RTL4: variants seen among roughly 807,000 people sequenced by gnomAD.
RTL4 encodes the protein retrotransposon Gag like 4.
A neutral mutation model predicts 5.3 loss-of-function variants in RTL4; 4 were observed. That is an observed-to-expected ratio of 0.75 (90% CI 0.37 to 1.72). The LOEUF is 1.72. Among genes scored for constraint, RTL4 ranks in the 40% most tolerant of loss-of-function variants. RTL4 has a pLI of 0.04. For synonymous variants in RTL4, 98 were observed against 87.3 expected (o/e 1.12, Z -0.68); for missense variants, 260 against 227.1 (o/e 1.14, Z -0.93).
chrX:112,422,261 G>C, the RTL4 span, among the ~76,000 whole-genome samples: 2 of 111,262 alleles, frequency 1.8e-5, no homozygotes, highest in Admixed American at 9.6e-5. Context: ...CTATAAAATA[G>C]GCATGCTTCT....
the RTL4 span, among the ~76,000 whole-genome samples, chrX:112,431,593 CCTGT>C: frequency 9.0e-6 from 1 of 111,678 alleles, no homozygotes; most frequent in Admixed American, 9.5e-5. Flanking sequence ...TCTCCATCTG[CCTGT>C]CTGTCTCTCT....
chrX:112,415,808 G>T, the RTL4 span, among the ~76,000 whole-genome samples: 2 of 111,404 alleles, frequency 1.8e-5, no homozygotes, highest in Non-Finnish European at 3.8e-5. Context: ...TAAATAATAT[G>T]CCCAAGGCCA....
the RTL4 span, among the ~76,000 whole-genome samples, chrX:112,342,185 G>A: frequency 9.0e-6 from 1 of 110,927 alleles, no homozygotes. Context: ...CAGAATAATA[G>A]AGTCATGGTA....
the RTL4 span, among the ~76,000 whole-genome samples, chrX:112,246,820 A>C: frequency 2.7e-5 from 3 of 111,410 alleles, no homozygotes; most frequent in Admixed American, 9.6e-5. Context: ...TGGGAGCTGC[A>C]GACTTGAGCT....
the RTL4 span, among the ~76,000 whole-genome samples, chrX:112,397,255 C>T: frequency 1.0e-3 from 115 of 111,856 alleles, 2 homozygotes; most frequent in South Asian, 0.029. Context: ...TATACATTTT[C>T]CTGTATACTT....
At chrX:112,096,548 C>G in the RTL4 span, among the ~76,000 whole-genome samples, 1 of 111,687 alleles carries the variant, frequency 9.0e-6, no homozygotes, top group Non-Finnish European at 1.9e-5. Flanking sequence ...AATGTATCAG[C>G]TATCTCGCCA....
chrX:112,215,075 A>T, the RTL4 span, among the ~76,000 whole-genome samples: 1 of 111,930 alleles, frequency 8.9e-6, no homozygotes, highest in African/African-American at 3.2e-5. Flanking sequence ...GGCGTCAGCC[A>T]CTGTGCCCAG....
the RTL4 span, among the ~76,000 whole-genome samples, chrX:112,178,646 T>A: frequency 8.9e-6 from 1 of 112,130 alleles, no homozygotes; most frequent in East Asian, 2.8e-4. Context: ...TGTTTTATTG[T>A]CAGGTATCAC....
chrX:112,329,690 G>A, the RTL4 span, among the ~76,000 whole-genome samples: 3 of 110,676 alleles, frequency 2.7e-5, no homozygotes, highest in Admixed American at 2.9e-4. Context: ...ACCAAAGCCT[G>A]GCAGAGACAC....
the RTL4 span, among the ~76,000 whole-genome samples, chrX:112,269,345 C>CT: frequency 4.5e-5 from 5 of 110,983 alleles, no homozygotes; most frequent in East Asian, 2.8e-4. Context: ...CTTTTCTAAA[C>CT]TTTTGTTTTC....
chrX:112,379,953 GA>G, the RTL4 span, among the ~76,000 whole-genome samples: 1 of 110,898 alleles, frequency 9.0e-6, no homozygotes, highest in African/African-American at 3.3e-5. Flanking sequence ...TCAATCACCT[GA>G]AAAAATTTCC....
exon 1 of RTL4, chrX:112,455,220 T>C: frequency 8.3e-7 from 1 of 1,211,758 alleles, no homozygotes; most frequent in Non-Finnish European, 1.1e-6. Flanking sequence ...AGGACCCTGC[T>C]ACTTTCCACC....
chrX:112,215,107 A>ATTAT, the RTL4 span, among the ~76,000 whole-genome samples: 1 of 111,372 alleles, frequency 9.0e-6, no homozygotes, highest in Admixed American at 9.6e-5. Context: ...TTTTTAAAAG[A>ATTAT]TTATTTATTT....
chrX:112,279,994 C>T, the RTL4 span, among the ~76,000 whole-genome samples: 1 of 111,181 alleles, frequency 9.0e-6, no homozygotes, highest in South Asian at 3.8e-4. Flanking sequence ...CTGATCTAAA[C>T]CAATTATACT....
chrX:112,230,198 C>T, the RTL4 span, among the ~76,000 whole-genome samples: 1 of 111,910 alleles, frequency 8.9e-6, no homozygotes, highest in Admixed American at 9.4e-5. Context: ...TTCCCAGCTG[C>T]TTTGTTTACC....
At chrX:112,115,809 C>G in the RTL4 span, among the ~76,000 whole-genome samples, 1 of 111,968 alleles carries the variant, frequency 8.9e-6, no homozygotes, top group Non-Finnish European at 1.9e-5. Context: ...GGACTAGCCT[C>G]GGAGAATAGA....
the RTL4 span, among the ~76,000 whole-genome samples, chrX:112,133,757 A>G: frequency 8.9e-6 from 1 of 112,302 alleles, no homozygotes; most frequent in Non-Finnish European, 1.9e-5. Context: ...GGTTGTGAAA[A>G]TTTAGTGAAT....
At chrX:112,181,888 A>C in the RTL4 span, among the ~76,000 whole-genome samples, 318 of 111,795 alleles carry the variant, frequency 2.8e-3, no homozygotes, top group African/African-American at 9.5e-3. Context: ...CCTGACTGGG[A>C]GACACCTTGC....
chrX:112,297,156 C>T, the RTL4 span, among the ~76,000 whole-genome samples: 13 of 110,986 alleles, frequency 1.2e-4, no homozygotes, highest in African/African-American at 4.3e-4. Context: ...GTTTCTACCT[C>T]CCCAGTGTTA....
Sources: gnomAD v4.1 joint callset for allele counts (sites outside exome capture counted in the v4.1 genomes callset) on GRCh38, gnomAD v4.1.1 for gene constraint, MANE v1.5 for transcripts, NCBI Gene and HGNC (gene_info 2026-07-23, HGNC 2026-07-21) for gene names.